Variants in INPP5A observed in about 807,000 individuals in gnomAD.
INPP5A encodes the protein 43 kDa inositol polyphosphate 5-phophatase.
INPP5A carries 14 observed loss-of-function variants against 65.2 expected under a neutral mutation model. That is an observed-to-expected ratio of 0.21 (90% CI 0.14 to 0.34). The LOEUF is 0.34. Ranked by LOEUF, INPP5A falls within the 10% of genes least tolerant of loss-of-function variation. INPP5A has a pLI of 1.00. For missense variants in INPP5A, 431 were observed against 545.6 expected, an observed-to-expected ratio of 0.79 and a Z score of 2.09; for synonymous variants, 207 against 208.3, an observed-to-expected ratio of 0.99 and a Z score of 0.05.
rs547038394 is a variant in INPP5A, at chr10:132,710,237, C to A, written c.528-100C>A. The A allele has an allele frequency of 8.1e-5, 114 of 1,405,492 alleles. 1 individual carries two copies. In the South Asian group the frequency reaches 1.4e-3, roughly 17 times the overall value. The allele number at this position is 1,405,492 out of a possible 1,614,324, so 87.1% of individuals were successfully genotyped here. On this transcript the variant is annotated intron_variant, in intron 7 of 15. Coordinates refer to ENST00000368594, the MANE Select transcript of INPP5A (RefSeq NM_005539.5). Reference sequence around the variant, plus strand: ...CTCGGGTGGCTCCGCACGGCGGAGGCCAGTGCAGGTCTTATCTTCCCGGGG... The same window carrying A: ...CTCGGGTGGCTCCGCACGGCGGAGGACAGTGCAGGTCTTATCTTCCCGGGG...
chr10:132,734,965 C>G (rs1403366653), intron 9 of INPP5A, among the ~76,000 whole-genome samples: 1 of 152,198 alleles, frequency 6.6e-6, no homozygotes, highest in Non-Finnish European at 1.5e-5. Flanking sequence ...TGGTGAGCCC[C>G]TCAGAGAAGG....
At chr10:132,701,098 A>G (rs1031073255) in intron 6 of INPP5A, among the ~76,000 whole-genome samples, 4 of 152,212 alleles carry the variant, frequency 2.6e-5, no homozygotes, top group South Asian at 4.1e-4. Flanking sequence ...TTGTGTGGCA[A>G]TAACCTCCCC....
chr10:132,553,016 A>G (rs1338756775), intron 1 of INPP5A, among the ~76,000 whole-genome samples: 7 of 114,166 alleles, frequency 6.1e-5, no homozygotes, highest in African/African-American at 6.9e-5. Context: ...AATATTGGGT[A>G]GGATAGGGAG....
At chr10:132,586,311 A>G (rs1162692145) in intron 1 of INPP5A, among the ~76,000 whole-genome samples, 1 of 152,214 alleles carries the variant, frequency 6.6e-6, no homozygotes, top group African/African-American at 2.4e-5. Context: ...AGCACCCTCC[A>G]GGACGGGGAC....
chr10:132,757,610 T>C (rs1035856130), intron 11 of INPP5A, among the ~76,000 whole-genome samples: 1 of 152,214 alleles, frequency 6.6e-6, no homozygotes, highest in Non-Finnish European at 1.5e-5. Flanking sequence ...CACGTGACTG[T>C]GTGTGTGCAG....
chr10:132,749,640 GA>G, intron 10 of INPP5A, 28 bp downstream of exon 10: 1 of 1,605,292 alleles, frequency 6.2e-7, no homozygotes, highest in Non-Finnish European at 8.5e-7. Context: ...CTGGGCAGGT[GA>G]CGCACGGGGC....
In INPP5A at chr10:132,727,121, G is replaced by A. The variant is rs1290537694; in HGVS notation, c.732+216G>A. ...GTGCGCGGGCCCTCAAGGTTGCCCCGGATGGCGGGTGACAGTGCTGTGGGG... is the reference window on the plus strand; with the variant it reads ...GTGCGCGGGCCCTCAAGGTTGCCCCAGATGGCGGGTGACAGTGCTGTGGGG... On this transcript the variant is annotated intron_variant, in intron 9 of 15. Coordinates refer to ENST00000368594, the MANE Select transcript of INPP5A (RefSeq NM_005539.5). The surrounding 1 kb of genome is among the most constrained non-coding windows in gnomAD (Gnocchi z 6.5). 4 of 421,780 alleles carry A rather than the reference G, an allele frequency of 9.5e-6. No homozygotes were observed. The highest frequency in any genetic ancestry group is 1.7e-5 in the Non-Finnish European group (4 of 234,098). 26.1% of individuals were successfully genotyped at this position (421,780 alleles called of 1,614,324 possible).
Position 132,749,760 on chromosome 10 carries a change from T to C in INPP5A, c.829-11T>C. 6.2e-7 allele frequency: 1 copy of C among 1,612,936 alleles called. No individual in the cohort carries two copies. The highest frequency in any genetic ancestry group is 8.5e-7 in the Non-Finnish European group (1 of 1,179,852). ...GAGCTCAGGTGCTCATGGGCCACTC[T>C]GACTTCACAGGTTATGCTCCAGTTA... On this transcript the variant is annotated splice_polypyrimidine_tract_variant and intron_variant, in intron 10 of 15. Coordinates refer to ENST00000368594, the MANE Select transcript of INPP5A (RefSeq NM_005539.5).
chr10:132,544,101 C>T (rs1485334863), intron 1 of INPP5A, among the ~76,000 whole-genome samples: 6 of 152,266 alleles, frequency 3.9e-5, no homozygotes, highest in Admixed American at 3.9e-4. Flanking sequence ...CTGGTTTCTG[C>T]ACCTCTCAGT....
chr10:132,570,740 T>G (rs925886895), intron 1 of INPP5A, among the ~76,000 whole-genome samples: 20 of 151,964 alleles, frequency 1.3e-4, no homozygotes, highest in Non-Finnish European at 2.4e-4. Flanking sequence ...TTGGAAGTGG[T>G]GGCTGGGGAC....
At position 132,741,137 on chromosome 10, in the gene INPP5A, G is replaced by A. The variant is rs1846263304; in HGVS notation, c.733-8380G>A. Among the ~76,000 whole-genome samples, 1 of 152,212 alleles carries A rather than the reference G, an allele frequency of 6.6e-6. No individual in the cohort carries two copies. Among genetic ancestry groups the A allele is most frequent in the East Asian group, 1.9e-4 (1 of 5,208 alleles). The stretch of plus-strand genomic sequence containing the variant: ...AGTCCCAGATACTCAGGAGGCTGAG[G>A]CGGGAGGATTGCTTGAGCCCGGAGG... On this transcript the variant is annotated intron_variant, in intron 9 of 15. Coordinates refer to ENST00000368594, the MANE Select transcript of INPP5A (RefSeq NM_005539.5). This position sits in a 1 kb window ranked among gnomAD's most constrained non-coding sequence, Gnocchi z 4.4.
chr10:132,671,223 C>A (rs2072885643), intron 4 of INPP5A, among the ~76,000 whole-genome samples: 1 of 152,098 alleles, frequency 6.6e-6, no homozygotes, highest in African/African-American at 2.4e-5. Flanking sequence ...GGCCAGTGGG[C>A]AACTGGGGCC....
chr10:132,771,699 C>T (rs1304266349), intron 12 of INPP5A, among the ~76,000 whole-genome samples: 5 of 112,030 alleles, frequency 4.5e-5, no homozygotes, highest in Non-Finnish European at 9.5e-5. Flanking sequence ...ACAGAGGCCA[C>T]GGCAGCCACC....
At chr10:132,612,252 G>A (rs1427793298) in intron 2 of INPP5A, among the ~76,000 whole-genome samples, 1 of 151,504 alleles carries the variant, frequency 6.6e-6, no homozygotes, top group Non-Finnish European at 1.5e-5. Flanking sequence ...TGTGGGAGGT[G>A]AGGTGGGCAG....
intron 11 of INPP5A, among the ~76,000 whole-genome samples, chr10:132,752,493 A>G: frequency 2.7e-5 from 2 of 73,672 alleles, no homozygotes; most frequent in South Asian, 6.1e-4. Context: ...GCAGAGTGGA[A>G]GGGGTGCAGT....
chr10:132,599,582 G>T (rs2071751049), intron 1 of INPP5A, among the ~76,000 whole-genome samples: 1 of 152,230 alleles, frequency 6.6e-6, no homozygotes, highest in African/African-American at 2.4e-5. Flanking sequence ...CCATTCTGAG[G>T]ACTGGAGGAT....
chr10:132,559,449 A>G (rs1202799102), intron 1 of INPP5A, among the ~76,000 whole-genome samples: 1 of 152,178 alleles, frequency 6.6e-6, no homozygotes, highest in African/African-American at 2.4e-5. Flanking sequence ...CTGATTTCAG[A>G]ATGTTTTTAT....
chr10:132,755,147 G>T (rs540882543), intron 11 of INPP5A, among the ~76,000 whole-genome samples: 1 of 151,896 alleles, frequency 6.6e-6, no homozygotes, highest in African/African-American at 2.4e-5. Context: ...GCATGTGTGA[G>T]CAAGCATATG....
At chr10:132,735,105 G>A (rs918286508) in intron 9 of INPP5A, among the ~76,000 whole-genome samples, 8 of 152,196 alleles carry the variant, frequency 5.3e-5, no homozygotes, top group African/African-American at 1.9e-4. Context: ...AGCAGCATGG[G>A]TTAGAGTGAG....
Sources: gnomAD v4.1 joint callset for allele counts (sites outside exome capture counted in the v4.1 genomes callset) on GRCh38, gnomAD v4.1.1 for gene constraint, Gnocchi (gnomAD v3.1) non-coding constraint, MANE v1.5 for transcripts, NCBI Gene and HGNC (gene_info 2026-07-23, HGNC 2026-07-21) for gene names.